Variants in VAC14 observed in about 807,000 individuals in gnomAD.
VAC14 encodes VAC14 component of PIKFYVE complex.
In VAC14, 47 loss-of-function variants were observed where a neutral mutation model predicts 85.3. That is an observed-to-expected ratio of 0.55 (90% CI 0.44 to 0.70). VAC14 has a LOEUF of 0.70. VAC14 is among the 30% of genes least tolerant of loss of function. The probability of loss-of-function intolerance (pLI) is 0.00; values close to 1 mark genes in which losing one functional copy is unlikely to be tolerated. For missense variants in VAC14, 861 were observed against 1,004.3 expected (o/e 0.86, Z 1.93); for synonymous variants, 447 against 430.5 (o/e 1.04, Z -0.47).
At chr16:70,689,860 A>G (rs1597842070) in intron 18 of VAC14, 9 of 985,530 alleles carry the variant, frequency 9.1e-6, no homozygotes, top group African/African-American at 1.7e-5. Context: ...CCAAGAGAGC[A>G]GCTTGGACTT....
rs1364942967 is a variant in VAC14, at chr16:70,786,346, C to T, written c.124G>A (p.Ala42Thr). The T allele has an allele frequency of 6.2e-7, 1 of 1,614,094 alleles. No individual in the cohort carries two copies. The highest frequency in any genetic ancestry group is 8.5e-7 in the Non-Finnish European group (1 of 1,179,952). The change falls in exon 2 of 19, where the codon GCC becomes ACC. Residue 42 changes from alanine (A) to threonine (T), a missense_variant. Physicochemically the swap from Ala to Thr is moderately conservative, Grantham distance 58. Transcript: ENST00000261776. ...TTGATTTGCACGGTATTGTTCTGGG[C>T]CACGAACTCCCGGACCAGCCTGGAG... ...EIEKLVREFV[A>T]QNNTVQIKHV...
At chr16:70,753,011 G>GTGTGTGT (rs1555521573) in intron 12 of VAC14, among the ~76,000 whole-genome samples, 144 of 143,066 alleles carry the variant, frequency 1.0e-3, no homozygotes, top group African/African-American at 3.4e-3. Context: ...AGGAGGAGGG[G>GTGTGTGT]GTGTGTGTGT....
At chr16:70,725,456 C>T (rs1445004002) in intron 14 of VAC14, among the ~76,000 whole-genome samples, 1 of 152,202 alleles carries the variant, frequency 6.6e-6, no homozygotes, top group Non-Finnish European at 1.5e-5. Flanking sequence ...TCCCCCAGGC[C>T]CCACAATTAA....
chr16:70,777,653 G>T (rs533446014), intron 9 of VAC14, among the ~76,000 whole-genome samples: 3 of 152,216 alleles, frequency 2.0e-5, no homozygotes, highest in Non-Finnish European at 4.4e-5. Context: ...ATGAGGGGCT[G>T]CCCTGACTGG....
At chr16:70,749,237 G>A (rs930722428) in intron 12 of VAC14, among the ~76,000 whole-genome samples, 4 of 152,304 alleles carry the variant, frequency 2.6e-5, no homozygotes, top group Middle Eastern at 3.4e-3. Context: ...CCACACCAAG[G>A]GCTTCCAACC....
chr16:70,694,168 C>A (rs2054942915), intron 17 of VAC14, among the ~76,000 whole-genome samples: 1 of 152,218 alleles, frequency 6.6e-6, no homozygotes, highest in Admixed American at 6.5e-5. Context: ...CCAGCAAAGC[C>A]CTGGGCTTGA....
intron 12 of VAC14, among the ~76,000 whole-genome samples, chr16:70,753,378 G>A (rs992245110): frequency 3.3e-5 from 5 of 152,204 alleles, no homozygotes; most frequent in Admixed American, 1.3e-4. Context: ...CAACAGGGAG[G>A]TGCCTGGGAA....
intron 15 of VAC14, among the ~76,000 whole-genome samples, chr16:70,697,704 C>T (rs1238658709): frequency 6.6e-6 from 1 of 152,184 alleles, no homozygotes; most frequent in African/African-American, 2.4e-5. Context: ...ACTTGGAAAC[C>T]ACCCAGGAAC....
At chr16:70,781,076 A>C in intron 8 of VAC14, 137 bp from the exon 9 acceptor site, 1 of 1,229,854 alleles carries the variant, frequency 8.1e-7, no homozygotes, top group Non-Finnish European at 1.1e-6. Flanking sequence ...TCCCTCACAA[A>C]TGGCTTGGTG....
At chr16:70,736,519 C>T (rs1010508029) in intron 13 of VAC14, among the ~76,000 whole-genome samples, 2 of 152,174 alleles carry the variant, frequency 1.3e-5, no homozygotes, top group East Asian at 3.8e-4. Context: ...CCCATCTCTC[C>T]GCTGACAGTC....
At position 70,762,871 on chromosome 16, in the gene VAC14, C is replaced by G. The variant is rs1188386296; in HGVS notation, c.1305+10G>C. Reference sequence around the variant, plus strand: ...AAGAGGCCCCTGGCTTGGAGGGGCCCAGGGCTCACCTTCCGAGGAGTTTTG... The same window carrying G: ...AAGAGGCCCCTGGCTTGGAGGGGCCGAGGGCTCACCTTCCGAGGAGTTTTG... On this transcript the variant is annotated intron_variant, in intron 11 of 18. Transcript: ENST00000261776. This position sits in a 1 kb window ranked among gnomAD's most constrained non-coding sequence, Gnocchi z 4.1. 1.9e-6 allele frequency: 3 copies of G among 1,614,186 alleles called. No homozygotes were observed. The highest frequency in any genetic ancestry group is 2.5e-6 in the Non-Finnish European group (3 of 1,180,032).
At chr16:70,756,198 C>T (rs1352238558) in intron 12 of VAC14, 12 of 426,312 alleles carry the variant, frequency 2.8e-5, no homozygotes, top group Non-Finnish European at 4.7e-5. Flanking sequence ...CAGGCAGCCT[C>T]ACCCCAGCTC....
intron 1 of VAC14, among the ~76,000 whole-genome samples, chr16:70,791,144 G>A (rs1474225532): frequency 6.6e-6 from 1 of 152,144 alleles, no homozygotes; most frequent in African/African-American, 2.4e-5. Context: ...TTCTTACTGC[G>A]CCCTGCCTGG....
intron 1 of VAC14, 151 bp from the exon 2 acceptor site, chr16:70,786,516 G>T: frequency 3.0e-6 from 3 of 985,748 alleles, no homozygotes; most frequent in Non-Finnish European, 4.4e-6. Context: ...TCTGTTGCTG[G>T]CTGAGTCATC....
chr16:70,709,964 T>C (rs2053995141), intron 14 of VAC14, among the ~76,000 whole-genome samples: 1 of 152,166 alleles, frequency 6.6e-6, no homozygotes, highest in Admixed American at 6.5e-5. Context: ...TTTGAAGCCC[T>C]CTGGGCTTGA....
chr16:70,692,023 AG>A (rs1260937692), intron 18 of VAC14: 1 of 984,272 alleles, frequency 1.0e-6, no homozygotes, highest in East Asian at 1.1e-4. Flanking sequence ...AAATCTTCTC[AG>A]TGGCTCTGCT....
Position 70,801,114 on chromosome 16 carries a change from C to A in VAC14, c.-214G>T, listed in dbSNP as rs1000948929. ...CCCTGGCCGCTTAACAACTCCCGCC[C>A]GGCACTAGCGGGACTCACGAGACAG... On this transcript the variant is annotated 5_prime_UTR_variant, in exon 1 of 19. Transcript: ENST00000261776. 3 of 433,422 alleles carry A rather than the reference C, an allele frequency of 6.9e-6. No homozygotes were observed. The highest frequency in any genetic ancestry group is 4.2e-5 in the African/African-American group (2 of 48,094). The allele number at this position is 433,422 out of a possible 1,614,324, so 26.8% of individuals were successfully genotyped here. A position where few individuals can be genotyped will look rare whatever the true frequency, so the allele number is the denominator to read the frequency against.
intron 14 of VAC14, among the ~76,000 whole-genome samples, chr16:70,702,636 T>C (rs1372750334): frequency 6.6e-6 from 1 of 152,150 alleles, no homozygotes; most frequent in African/African-American, 2.4e-5. Context: ...AAAACCCAGA[T>C]CACTGCGTTG....
chr16:70,723,273 TC>T (rs2054340765), intron 14 of VAC14, among the ~76,000 whole-genome samples: 1 of 151,608 alleles, frequency 6.6e-6, no homozygotes, highest in African/African-American at 2.4e-5. Flanking sequence ...ATAACTGACT[TC>T]CTCTTACTCC....
Sources: allele counts gnomAD v4.1 joint callset (sites outside exome capture counted in the v4.1 genomes callset), GRCh38; gene constraint gnomAD v4.1.1; non-coding constraint Gnocchi (gnomAD v3.1); transcripts MANE v1.5; gene names NCBI Gene and HGNC (gene_info 2026-07-23, HGNC 2026-07-21).